The following COMMD10 variants were observed in gnomAD, a reference collection of about 807,000 sequenced individuals.
COMMD10 encodes COMM domain containing 10.
In COMMD10, 33 loss-of-function variants were observed where a neutral mutation model predicts 28.9. That is an observed-to-expected ratio of 1.14 (90% CI 0.87 to 1.53). The LOEUF is 1.53. COMMD10 is among the 40% of genes most tolerant of loss of function. COMMD10 has a pLI of 0.00. For synonymous variants in COMMD10, 110 were observed against 81.7 expected (o/e 1.35, Z -1.87); for missense variants, 310 against 233.4 (o/e 1.33, Z -2.14).
chr5:116,225,354 AT>A lies in COMMD10; in HGVS notation c.511-66146del, dbSNP rs3073081. On this transcript the variant is annotated intron_variant, in intron 5 of 6. Coordinates refer to ENST00000274458, the MANE Select transcript of COMMD10 (RefSeq NM_016144.4). Reference sequence around the variant, plus strand: ...GACTTTCCTGTTTGTTTTTTTGGGGATTTTTTTTTTTTTTTTTGCATATGTA... The same window carrying A: ...GACTTTCCTGTTTGTTTTTTTGGGGATTTTTTTTTTTTTTTTGCATATGTA... Among the ~76,000 whole-genome samples the A allele has an allele frequency of 9.5e-3, 1,262 of 132,388 alleles. 19 individuals carry two copies. The highest frequency in any genetic ancestry group is 0.034 in the African/African-American group (1,199 of 34,914). The allele number at this position is 132,388 out of a possible 152,430, so 86.9% of individuals were successfully genotyped here. A position where few individuals can be genotyped will look rare whatever the true frequency, so the allele number is the denominator to read the frequency against.
intron 4 of COMMD10, among the ~76,000 whole-genome samples, chr5:116,099,272 T>A (rs1588267): frequency 0.51 from 77,751 of 151,998 alleles, 22,156 homozygotes; most frequent in Non-Finnish European, 0.65. Context: ...ACCCTCCAGG[T>A]TCATCCATTT....
intron 5 of COMMD10, among the ~76,000 whole-genome samples, chr5:116,242,069 A>G (rs915179654): frequency 6.6e-6 from 1 of 152,180 alleles, no homozygotes; most frequent in Non-Finnish European, 1.5e-5. Context: ...CTCCTAAGGT[A>G]ACTCTAATGT....
At chr5:116,120,131 A>C (rs1751378113) in intron 4 of COMMD10, among the ~76,000 whole-genome samples, 1 of 152,178 alleles carries the variant, frequency 6.6e-6, no homozygotes, top group African/African-American at 2.4e-5. Flanking sequence ...AAATGAATAA[A>C]GAAAATATGG....
rs940502205 is a variant in COMMD10 at position 116,134,294 on chromosome 5, T to G, written c.510+116T>G. On this transcript the variant is annotated intron_variant, in intron 5 of 6. Transcript: ENST00000274458. ...ATTTAAACATAATTCAGTTAAACAGTTATTAATAAGTGGATCTTTTTTGAC... is the reference window on the plus strand; with the variant it reads ...ATTTAAACATAATTCAGTTAAACAGGTATTAATAAGTGGATCTTTTTTGAC... 3 of 597,878 alleles carry G rather than the reference T, an allele frequency of 5.0e-6. No individual in the cohort carries two copies. In the African/African-American group the frequency reaches 5.7e-5, roughly 11 times the overall value. The allele number at this position is 597,878 out of a possible 1,614,324, so 37.0% of individuals were successfully genotyped here. A position where few individuals can be genotyped will look rare whatever the true frequency, so the allele number is the denominator to read the frequency against.
chr5:116,172,984 A>G lies in COMMD10; in HGVS notation c.510+38806A>G, dbSNP rs151062422. 7.1e-3 allele frequency among the ~76,000 whole-genome samples: 1,086 copies of G among 152,274 alleles called. 16 individuals carry two copies. Among genetic ancestry groups the G allele is most frequent in the African/African-American group, 0.025 (1,041 of 41,556 alleles). ...CTCATGTAAAGTTTATAAAATTTAA[A>G]CTGCTTAAAATAATGGCAGTATTAG... On this transcript the variant is annotated intron_variant, in intron 5 of 6. Transcript: ENST00000274458.
chr5:116,182,260 AGCTCTAG>A (rs1166221162), intron 5 of COMMD10, among the ~76,000 whole-genome samples: 1 of 152,128 alleles, frequency 6.6e-6, no homozygotes, highest in African/African-American at 2.4e-5. Flanking sequence ...ATAGTAGTTT[AGCTCTAG>A]GCTACTATTT....
chr5:116,166,741 C>G (rs150151582), intron 5 of COMMD10, among the ~76,000 whole-genome samples: 1 of 152,164 alleles, frequency 6.6e-6, no homozygotes, highest in Non-Finnish European at 1.5e-5. Context: ...AGCAGACTTG[C>G]AGCAGAGGGG....
intron 5 of COMMD10, among the ~76,000 whole-genome samples, chr5:116,155,182 A>G (rs568649870): frequency 2.5e-4 from 38 of 152,104 alleles, no homozygotes; most frequent in South Asian, 4.1e-4. Context: ...TTTCAGGGGA[A>G]TTGTGGACTT....
rs144726919 is a variant in COMMD10, at chr5:116,207,611, C to A, written c.510+73433C>A. Among the ~76,000 whole-genome samples the A allele has an allele frequency of 2.6e-5, 4 of 152,048 alleles. No homozygotes were observed. The South Asian group carries it at 8.3e-4, about 32-fold the overall frequency. On this transcript the variant is annotated intron_variant, in intron 5 of 6. Transcript: ENST00000274458. ...CATGATCTGGGCTCACTGCAGCCTCCGCCTCCTGGGTTCAAGCGATTCTTA... is the reference window on the plus strand; with the variant it reads ...CATGATCTGGGCTCACTGCAGCCTCAGCCTCCTGGGTTCAAGCGATTCTTA...
intron 4 of COMMD10, among the ~76,000 whole-genome samples, chr5:116,131,260 C>A (rs34489079): frequency 1.1e-4 from 17 of 151,870 alleles, no homozygotes; most frequent in Non-Finnish European, 1.5e-4. Flanking sequence ...ACTTCACAGC[C>A]CACACTCAGC....
In COMMD10 at chr5:116,187,789, A is replaced by G. The variant is rs552242852; in HGVS notation, c.510+53611A>G. Among the ~76,000 whole-genome samples the G allele has an allele frequency of 3.3e-5, 5 of 152,304 alleles. No homozygotes were observed. The South Asian group carries it at 1.0e-3, about 32-fold the overall frequency. ...TTATAAATAAAATTGCTGAATTCCA[A>G]GTATTTATACTTAAATAACTTTATG... is the stretch of plus-strand genomic sequence containing the variant. On this transcript the variant is annotated intron_variant, in intron 5 of 6. Transcript: ENST00000274458.
intron 5 of COMMD10, among the ~76,000 whole-genome samples, chr5:116,274,749 C>G (rs779354685): frequency 3.9e-4 from 59 of 151,676 alleles, no homozygotes; most frequent in Admixed American, 9.9e-4. Context: ...CCTGACCTAC[C>G]TCTAGTTTTT....
intron 4 of COMMD10, among the ~76,000 whole-genome samples, chr5:116,126,011 T>C (rs1054300773): frequency 2.0e-5 from 3 of 152,080 alleles, no homozygotes; most frequent in South Asian, 2.1e-4. Flanking sequence ...GATGAGATGA[T>C]TGTATATTTA....
chr5:116,188,435 A>T (rs1748216987), intron 5 of COMMD10: 1 of 140,670 alleles, frequency 7.1e-6, no homozygotes. Context: ...GTTTCTTTTT[A>T]ATAGTTTTTA....
At chr5:116,140,129 C>A (rs950723382) in intron 5 of COMMD10, among the ~76,000 whole-genome samples, 9 of 151,328 alleles carry the variant, frequency 5.9e-5, no homozygotes, top group Non-Finnish European at 1.2e-4. Context: ...CAGTATTTTT[C>A]TTTCTACGTC....
chr5:116,104,257 T>C (rs1750760567), intron 4 of COMMD10, among the ~76,000 whole-genome samples: 1 of 152,244 alleles, frequency 6.6e-6, no homozygotes, highest in Non-Finnish European at 1.5e-5. Context: ...ATTTTCACGA[T>C]ATTGATTCTT....
chr5:116,113,561 C>G (rs1450414779), intron 4 of COMMD10, among the ~76,000 whole-genome samples: 5 of 151,696 alleles, frequency 3.3e-5, no homozygotes, highest in African/African-American at 1.2e-4. Flanking sequence ...GAAATCTTTT[C>G]TTCTGCTTGG....
chr5:116,162,865 C>A (rs898075292), intron 5 of COMMD10, among the ~76,000 whole-genome samples: 2 of 46,310 alleles, frequency 4.3e-5, no homozygotes, highest in Non-Finnish European at 8.7e-5. Flanking sequence ...ATTTTAGATA[C>A]AACACCTTTT....
chr5:116,283,763 T>TA (rs992356028), intron 5 of COMMD10, among the ~76,000 whole-genome samples: 6 of 151,810 alleles, frequency 4.0e-5, no homozygotes, highest in East Asian at 1.9e-4. Flanking sequence ...AAACAACCAA[T>TA]AAAAAATCCT....
Sources: allele counts gnomAD v4.1 joint callset (sites outside exome capture counted in the v4.1 genomes callset), GRCh38; gene constraint gnomAD v4.1.1; transcripts MANE v1.5; gene names NCBI Gene and HGNC (gene_info 2026-07-23, HGNC 2026-07-21).